HSD11B1: variants seen among roughly 807,000 people sequenced by gnomAD.
The protein encoded by HSD11B1 is 11-beta-hydroxysteroid dehydrogenase 1.
In HSD11B1, 15 loss-of-function variants were observed where a neutral mutation model predicts 22.1. That is an observed-to-expected ratio of 0.68 (90% CI 0.45 to 1.04). The LOEUF (loss-of-function observed/expected upper bound fraction) is 1.04. Ranked by LOEUF, HSD11B1 falls within the 50% of genes least tolerant of loss-of-function variation. The pLI, the probability that HSD11B1 is intolerant of heterozygous loss-of-function variation, is 0.00. For synonymous variants in HSD11B1, 122 were observed against 125.2 expected, an observed-to-expected ratio of 0.97 and a Z score of 0.17; for missense variants, 281 against 357.6, an observed-to-expected ratio of 0.79 and a Z score of 1.73.
At chr1:209,708,936 G>T (rs1229428299) in intron 4 of HSD11B1, among the ~76,000 whole-genome samples, 23 of 152,194 alleles carry the variant, frequency 1.5e-4, no homozygotes, top group Admixed American at 1.5e-3. Context: ...GTAGCCAAAA[G>T]ATTCCAGCTT....
chr1:209,690,622 G>A (rs543535850), intron 1 of HSD11B1, among the ~76,000 whole-genome samples: 11 of 151,780 alleles, frequency 7.2e-5, no homozygotes, highest in South Asian at 4.2e-4. Flanking sequence ...GCTTGAACCC[G>A]GAAGGCAGAG....
chr1:209,689,087 G>C (rs1171443982), intron 1 of HSD11B1, among the ~76,000 whole-genome samples: 1 of 152,108 alleles, frequency 6.6e-6, no homozygotes, highest in African/African-American at 2.4e-5. Context: ...CAGGCTCTGG[G>C]ACATCAGACA....
At chr1:209,696,219 ATGGGCACAAGAAATCTTTT>A in intron 1 of HSD11B1, among the ~76,000 whole-genome samples, 1 of 152,354 alleles carries the variant, frequency 6.6e-6, no homozygotes, top group South Asian at 2.1e-4. Context: ...GTGACTGTAA[ATGGGCACAAGAAATCTTTT>A]TGGGAGATGG....
upstream of HSD11B1, among the ~76,000 whole-genome samples, chr1:209,703,742 G>T (rs2076838649): frequency 6.6e-6 from 1 of 152,090 alleles, no homozygotes; most frequent in South Asian, 2.1e-4. Context: ...CCAAAGCACT[G>T]ATACTTATTA....
intron 4 of HSD11B1, among the ~76,000 whole-genome samples, chr1:209,707,906 C>G (rs910382704): frequency 6.7e-5 from 10 of 148,974 alleles, no homozygotes; most frequent in African/African-American, 2.2e-4. Flanking sequence ...TAAGCTAAAG[C>G]TAAATAAAAT....
intron 4 of HSD11B1, among the ~76,000 whole-genome samples, chr1:209,728,541 T>C (rs1367398908): frequency 6.6e-6 from 1 of 152,208 alleles, no homozygotes; most frequent in Admixed American, 6.5e-5. Flanking sequence ...ATTATGCTAT[T>C]CTGATAAGTA....
chr1:209,729,474 T>C (rs1571887571), intron 4 of HSD11B1, among the ~76,000 whole-genome samples: 1 of 152,072 alleles, frequency 6.6e-6, no homozygotes, highest in African/African-American at 2.4e-5. Context: ...GTCACCCAGG[T>C]TCCTTCCTTC....
rs45577641 is a variant in HSD11B1, at chr1:209,705,044, C to A, written c.88+14C>A. 6 of 1,600,418 alleles carry A rather than the reference C, an allele frequency of 3.7e-6. No individual in the cohort carries two copies. The highest frequency in any genetic ancestry group is 3.3e-5 in the South Asian group (3 of 90,794). On this transcript the variant is annotated intron_variant, in intron 1 of 5. Transcript: ENST00000367027. ...AATTCAGACCAGGTAAGTACCCATG[C>A]GTCTCATTTTGGAGGAATAGGTTTA...
At chr1:209,718,640 G>A (rs966180679) in intron 4 of HSD11B1, among the ~76,000 whole-genome samples, 4 of 152,068 alleles carry the variant, frequency 2.6e-5, no homozygotes, top group African/African-American at 4.8e-5. Context: ...ATGTAAAATG[G>A]TACAGTCACT....
chr1:209,710,763 A>C (rs2076890035), intron 4 of HSD11B1, among the ~76,000 whole-genome samples: 1 of 152,232 alleles, frequency 6.6e-6, no homozygotes, highest in South Asian at 2.1e-4. Context: ...GATCAGAAGG[A>C]ATAAAAGAAC....
At chr1:209,712,163 G>A (rs1410875981) in intron 4 of HSD11B1, among the ~76,000 whole-genome samples, 4 of 152,130 alleles carry the variant, frequency 2.6e-5, no homozygotes, top group Non-Finnish European at 5.9e-5. Context: ...TAGGTCTTAA[G>A]AAAAGGAGAA....
At chr1:209,695,170 A>G (rs12034329) in intron 1 of HSD11B1, among the ~76,000 whole-genome samples, 5,190 of 152,296 alleles carry the variant, frequency 0.034, 110 homozygotes, top group East Asian at 0.067. Context: ...TTCCACCATG[A>G]TTGTAAGTTT....
chr1:209,720,067 T>C (rs1173419032), intron 4 of HSD11B1, among the ~76,000 whole-genome samples: 2 of 152,160 alleles, frequency 1.3e-5, no homozygotes, highest in East Asian at 3.8e-4. Flanking sequence ...CTGCATGTCA[T>C]GCACACGTAC....
intron 4 of HSD11B1, among the ~76,000 whole-genome samples, chr1:209,723,454 C>T (rs2102392745): frequency 6.6e-6 from 1 of 152,288 alleles, no homozygotes; most frequent in South Asian, 2.1e-4. Flanking sequence ...CCTCCCCCTG[C>T]CTGTTCAAAC....
chr1:209,734,135 C>T (rs1465779160), intron 5 of HSD11B1, among the ~76,000 whole-genome samples, 169 bp from the exon 6 acceptor site: 1 of 152,214 alleles, frequency 6.6e-6, no homozygotes, highest in African/African-American at 2.4e-5. Context: ...CTTTGCCCAA[C>T]AGACTCTAAC....
At chr1:209,718,985 A>G (rs111947000) in intron 4 of HSD11B1, among the ~76,000 whole-genome samples, 1 of 124,920 alleles carries the variant, frequency 8.0e-6, no homozygotes, top group African/African-American at 3.2e-5. Flanking sequence ...ATGCCACTGC[A>G]CTCCAGGCTG....
intron 4 of HSD11B1, among the ~76,000 whole-genome samples, chr1:209,724,352 A>G (rs1441259349): frequency 6.6e-6 from 1 of 152,176 alleles, no homozygotes; most frequent in African/African-American, 2.4e-5. Context: ...TGGAAGATCA[A>G]TGAGACATTG....
rs2077042107 is a variant in HSD11B1, at chr1:209,732,575, C to T, written c.657C>T (p.Asp219=). ...SITLCVLGLI[D]TETAMKAVSG... is the part of the protein sequence containing the mutation. ...CTCTCTGTGTTCTTGGCCTCATAGACACAGGTAAGGTCAATACTTTGTGTT... is the reference window on the plus strand; with the variant it reads ...CTCTCTGTGTTCTTGGCCTCATAGATACAGGTAAGGTCAATACTTTGTGTT... The change falls in exon 5 of 6, where the codon GAC becomes GAT. Residue 219 remains aspartate (D), a synonymous_variant. Transcript: ENST00000367027. 6.2e-7 allele frequency: 1 copy of T among 1,612,242 alleles called. No individual in the cohort carries two copies. The highest frequency in any genetic ancestry group is 1.3e-5 in the African/African-American group (1 of 74,906).
chr1:209,695,250 C>T (rs1178031501), intron 1 of HSD11B1, among the ~76,000 whole-genome samples: 1 of 152,124 alleles, frequency 6.6e-6, no homozygotes, highest in African/African-American at 2.4e-5. Context: ...ATTACCCAGT[C>T]TCAGGTATAT....
Sources: allele counts gnomAD v4.1 joint callset (sites outside exome capture counted in the v4.1 genomes callset), GRCh38; gene constraint gnomAD v4.1.1; transcripts MANE v1.5; gene names NCBI Gene and HGNC (gene_info 2026-07-23, HGNC 2026-07-21).